UGP2: variants seen among roughly 807,000 people sequenced by gnomAD.
UGP2 encodes the protein UDP-glucose pyrophosphorylase 2, also known as UTP--glucose-1-phosphate uridylyltransferase.
In UGP2, 40 loss-of-function variants were observed where a neutral mutation model predicts 49.0. That is an observed-to-expected ratio of 0.82 (90% CI 0.63 to 1.06). The LOEUF (loss-of-function observed/expected upper bound fraction) is 1.06, where lower values mean the gene tolerates loss of function less well. Among genes scored for constraint, UGP2 ranks in the 50% least tolerant of loss-of-function variants. The pLI is 0.00. For missense variants in UGP2, 460 were observed against 603.5 expected (o/e 0.76, Z 2.49); for synonymous variants, 225 against 213.0 (o/e 1.06, Z -0.49).
upstream of UGP2, chr2:63,841,716 C>CG (rs1255624924): frequency 6.5e-6 from 1 of 154,632 alleles, no homozygotes; most frequent in Non-Finnish European, 1.4e-5. Flanking sequence ...CCGGGGTTTT[C>CG]GGGGGAGGCG....
In UGP2 at chr2:63,842,081, G is replaced by A. The variant is rs895678590; in HGVS notation, c.-105G>A. 1.5e-6 allele frequency: 2 copies of A among 1,379,042 alleles called. No individual in the cohort carries two copies. The highest frequency in any genetic ancestry group is 1.5e-5 in the African/African-American group (1 of 68,492). The allele number at this position is 1,379,042 out of a possible 1,614,324, so 85.4% of individuals were successfully genotyped here. On this transcript the variant is annotated 5_prime_UTR_variant, in exon 1 of 10. Transcript: ENST00000337130. Reference sequence around the variant, plus strand: ...AAGTAGTTAAATATAGGAGGAGAAAGAATACATCGGTTGTTAAAGCAGGAG... The same window carrying A: ...AAGTAGTTAAATATAGGAGGAGAAAAAATACATCGGTTGTTAAAGCAGGAG...
intron 3 of UGP2, among the ~76,000 whole-genome samples, chr2:63,872,030 G>A (rs1381827323): frequency 6.6e-6 from 1 of 152,240 alleles, no homozygotes; most frequent in Admixed American, 6.5e-5. Context: ...TAGACTATAT[G>A]TAAACGAATG....
At position 63,855,933 on chromosome 2, in the gene UGP2, G is replaced by A. The variant is rs1454756103; in HGVS notation, c.20-373G>A. The A allele has an allele frequency of 1.4e-4, 29 of 211,524 alleles. 1 individual carries two copies. In the South Asian group the frequency reaches 1.6e-3, roughly 11 times the overall value. The allele number at this position is 211,524 out of a possible 1,614,324, so 13.1% of individuals were successfully genotyped here. A position where few individuals can be genotyped will look rare whatever the true frequency, so the allele number is the denominator to read the frequency against. ...AGATCCATCTGTCACAGAAGTGCCC[G>A]GCTATGCCAAAAGCATTAAAAGTCT... On this transcript the variant is annotated intron_variant, in intron 1 of 9. Coordinates refer to ENST00000337130, the MANE Select transcript of UGP2 (RefSeq NM_006759.4).
intron 7 of UGP2, 24 bp downstream of exon 7, chr2:63,886,562 G>A (rs1671685761): frequency 1.2e-6 from 2 of 1,612,404 alleles, no homozygotes; most frequent in Non-Finnish European, 1.7e-6. Context: ...GTGGCCCATT[G>A]AGCTTCCTGG....
Position 63,856,368 on chromosome 2 carries a change from C to T in UGP2, c.82C>T (p.Leu28=), listed in dbSNP as rs145404994. The T allele has an allele frequency of 3.1e-6, 5 of 1,613,934 alleles. No homozygotes were observed. The African/African-American group carries it at 4.0e-5, about 13-fold the overall frequency. Residue 28 remains leucine, a synonymous_variant, in exon 2 of 10, where the codon CTA becomes TTA. Coordinates refer to ENST00000337130, the MANE Select transcript of UGP2 (RefSeq NM_006759.4). The part of the protein sequence containing the change: ...SQFQEVIRQE[L]ELSVKKELEK... The stretch of plus-strand genomic sequence containing the variant: ...GTTCCAAGAAGTCATTCGGCAAGAG[C>T]TAGAATTATCTGTGAAGAAGGAACT...
chr2:63,857,319 A>G (rs909102618), intron 2 of UGP2, among the ~76,000 whole-genome samples: 11 of 151,214 alleles, frequency 7.3e-5, no homozygotes, highest in Admixed American at 4.6e-4. Flanking sequence ...AAAAAAAAGT[A>G]CAGAGCCAGT....
intron 1 of UGP2, among the ~76,000 whole-genome samples, chr2:63,848,640 G>A (rs527554202): frequency 7.2e-5 from 11 of 152,322 alleles, no homozygotes; most frequent in African/African-American, 2.6e-4. Context: ...GGGATTACAG[G>A]TGTGAGCCAC....
chr2:63,866,932 C>T (rs1381631279), intron 3 of UGP2, among the ~76,000 whole-genome samples: 1 of 152,152 alleles, frequency 6.6e-6, no homozygotes, highest in Non-Finnish European at 1.5e-5. Flanking sequence ...ATACAGATTT[C>T]TCGTGGTTCT....
intron 7 of UGP2, among the ~76,000 whole-genome samples, 182 bp from the exon 8 acceptor site, chr2:63,887,220 G>A (rs1282898766): frequency 1.3e-5 from 2 of 151,262 alleles, no homozygotes; most frequent in Non-Finnish European, 2.9e-5. Context: ...AGCCGAGATT[G>A]CGCCACTGCA....
At chr2:63,865,691 A>G (rs1670138339) in intron 3 of UGP2, among the ~76,000 whole-genome samples, 1 of 152,002 alleles carries the variant, frequency 6.6e-6, no homozygotes, top group Non-Finnish European at 1.5e-5. Flanking sequence ...GGCACGTGTC[A>G]GCATGCCCAC....
intron 1 of UGP2, among the ~76,000 whole-genome samples, chr2:63,846,682 T>C (rs369150579): frequency 6.6e-6 from 1 of 152,196 alleles, no homozygotes; most frequent in African/African-American, 2.4e-5. Flanking sequence ...GAGCTAATTA[T>C]AACTGGAGGG....
chr2:63,861,596 G>A (rs1052949250), intron 3 of UGP2, among the ~76,000 whole-genome samples: 14 of 147,788 alleles, frequency 9.5e-5, no homozygotes, highest in East Asian at 2.0e-4. Flanking sequence ...GCTGAGGTAG[G>A]AAGATCACTT....
At chr2:63,861,175 T>C (rs1669815115) in intron 3 of UGP2, among the ~76,000 whole-genome samples, 1 of 151,992 alleles carries the variant, frequency 6.6e-6, no homozygotes, top group Non-Finnish European at 1.5e-5. Flanking sequence ...TTTATATATA[T>C]ATAAAGGTTA....
chr2:63,879,805 C>T (rs1278858624), intron 3 of UGP2, among the ~76,000 whole-genome samples: 8 of 152,108 alleles, frequency 5.3e-5, no homozygotes, highest in Admixed American at 5.2e-4. Context: ...GGAAGACAGG[C>T]CTGTCCTACC....
chr2:63,848,330 A>G (rs1668808605), intron 1 of UGP2, among the ~76,000 whole-genome samples: 1 of 152,196 alleles, frequency 6.6e-6, no homozygotes, highest in Non-Finnish European at 1.5e-5. Context: ...TCCCAGGCAC[A>G]ATGACTATTA....
chr2:63,887,196 C>CA (rs915946084), intron 7 of UGP2, among the ~76,000 whole-genome samples: 4 of 151,530 alleles, frequency 2.6e-5, no homozygotes, highest in Non-Finnish European at 2.9e-5. Flanking sequence ...CCCAGGAGGG[C>CA]AGAGGCTACA....
chr2:63,847,758 C>T (rs1259716977), intron 1 of UGP2, among the ~76,000 whole-genome samples: 1 of 152,136 alleles, frequency 6.6e-6, no homozygotes, highest in Non-Finnish European at 1.5e-5. Context: ...AAGGACCGGC[C>T]ATTTACACTT....
rs551250149 is a variant in UGP2 at position 63,863,787 on chromosome 2, C to G, written c.255+5851C>G. Reference sequence around the variant, plus strand: ...AAGAGTACTGATGGAATTTTTCTTTCAAGGTCAGAAGTGAAAATATATGAA... The same window carrying G: ...AAGAGTACTGATGGAATTTTTCTTTGAAGGTCAGAAGTGAAAATATATGAA... On this transcript the variant is annotated intron_variant, in intron 3 of 9. Coordinates refer to ENST00000337130, the MANE Select transcript of UGP2 (RefSeq NM_006759.4). Among the ~76,000 whole-genome samples the G allele has an allele frequency of 2.6e-5, 4 of 152,198 alleles. No individual in the cohort carries two copies. In the East Asian group the frequency reaches 5.8e-4, roughly 22 times the overall value.
intron 8 of UGP2, chr2:63,888,392 A>G (rs1007571564): frequency 3.3e-5 from 5 of 152,264 alleles, no homozygotes; most frequent in African/African-American, 1.2e-4. Flanking sequence ...CAGTTCCTAC[A>G]GTTTATTTCT....
Sources: gnomAD v4.1 joint callset for allele counts (sites outside exome capture counted in the v4.1 genomes callset) on GRCh38, gnomAD v4.1.1 for gene constraint, MANE v1.5 for transcripts, NCBI Gene and HGNC (gene_info 2026-07-23, HGNC 2026-07-21) for gene names.